The following PCDHA3 variants were observed in gnomAD, a reference collection of about 807,000 sequenced individuals.
The protein encoded by PCDHA3 is protocadherin alpha 3.
Under a neutral mutation model 62.2 loss-of-function variants are expected in PCDHA3, and 41 were observed. The observed-to-expected ratio is 0.66, with a 90% CI of 0.51 to 0.86. PCDHA3 has a LOEUF of 0.86. PCDHA3 is among the 40% of genes least tolerant of loss of function. The pLI is 0.00. For synonymous variants in PCDHA3, 640 were observed against 555.4 expected, an observed-to-expected ratio of 1.15 and a Z score of -2.14; for missense variants, 1,304 against 1,241.2, an observed-to-expected ratio of 1.05 and a Z score of -0.76.
intron 1 of PCDHA3, among the ~76,000 whole-genome samples, chr5:140,954,129 G>T (rs1206426573): frequency 6.6e-6 from 1 of 152,160 alleles, no homozygotes; most frequent in Non-Finnish European, 1.5e-5. Context: ...CCTTTTTATG[G>T]ATGCATAGTA....
At chr5:140,979,086 G>A in intron 2 of PCDHA3, 79 bp downstream of exon 2, 3 of 1,561,050 alleles carry the variant, frequency 1.9e-6, no homozygotes, top group South Asian at 2.4e-5. Flanking sequence ...CCATAGGCCA[G>A]AAGCAGCTGT....
At position 140,850,022 on chromosome 5, in the gene PCDHA3, A is replaced by G. The variant is rs201141536; in HGVS notation, c.2394+46431A>G. The stretch of plus-strand genomic sequence containing the variant: ...AGCGCTCGCTGTCGAGCTACGTGTC[A>G]GTGCACGCGGAGAGCGGCAAGGTGT... On this transcript the variant is annotated intron_variant, in intron 1 of 3. Transcript: ENST00000522353. 38 of 1,596,678 alleles carry G rather than the reference A, an allele frequency of 2.4e-5. 5 individuals are homozygous for G. The highest frequency in any genetic ancestry group is 7.7e-5 in the South Asian group (7 of 90,486).
chr5:140,868,245 C>T (rs1264028092), intron 1 of PCDHA3: 1 of 152,002 alleles, frequency 6.6e-6, no homozygotes, highest in Non-Finnish European at 1.5e-5. Context: ...GATCAATAGA[C>T]TTTTCCTTTG....
chr5:141,004,750 C>T (rs1205050665), intron 3 of PCDHA3, among the ~76,000 whole-genome samples: 1 of 152,112 alleles, frequency 6.6e-6, no homozygotes, highest in Non-Finnish European at 1.5e-5. Flanking sequence ...GTCTCAGTCT[C>T]TTAGAGACAG....
intron 1 of PCDHA3, chr5:140,863,686 T>G (rs1386583317): frequency 3.4e-6 from 1 of 295,212 alleles, no homozygotes; most frequent in Non-Finnish European, 6.6e-6. Flanking sequence ...CTTTTTCTTT[T>G]GAGATGCTTT....
intron 1 of PCDHA3, chr5:140,927,458 AAG>A: frequency 6.2e-7 from 1 of 1,614,124 alleles, no homozygotes; most frequent in Non-Finnish European, 8.5e-7. Context: ...GTGTTGGAGA[AAG>A]CACTGGATCG....
At chr5:140,805,202 C>A in intron 1 of PCDHA3, 1 of 1,438,200 alleles carries the variant, frequency 7.0e-7, no homozygotes, top group East Asian at 2.7e-5. Flanking sequence ...GAATAGCTAC[C>A]AAATAAACAT....
At chr5:140,897,451 TC>T (rs2066120094) in intron 1 of PCDHA3, among the ~76,000 whole-genome samples, 1 of 151,584 alleles carries the variant, frequency 6.6e-6, no homozygotes, top group Non-Finnish European at 1.5e-5. Context: ...TGGTTTTTTG[TC>T]CTTGCGATAG....
chr5:140,805,468 T>A (rs1763578523), intron 1 of PCDHA3: 1 of 1,006,108 alleles, frequency 9.9e-7, no homozygotes, highest in Admixed American at 6.0e-5. Context: ...AGTGTAGTTC[T>A]TCAATAGAGA....
At chr5:140,885,189 C>T (rs1554182051) in intron 1 of PCDHA3, among the ~76,000 whole-genome samples, 1 of 151,992 alleles carries the variant, frequency 6.6e-6, no homozygotes, top group Non-Finnish European at 1.5e-5. Context: ...CATCAGTGTT[C>T]CCCTCTCATA....
At chr5:140,956,297 G>A (rs1449094533) in intron 1 of PCDHA3, among the ~76,000 whole-genome samples, 1 of 151,928 alleles carries the variant, frequency 6.6e-6, no homozygotes, top group African/African-American at 2.4e-5. Context: ...TCATATATAT[G>A]GCTCTTATTA....
chr5:140,871,036 C>A (rs781977409), intron 1 of PCDHA3: 2 of 1,613,156 alleles, frequency 1.2e-6, no homozygotes, highest in East Asian at 2.2e-5. Flanking sequence ...GCCGCGCCAC[C>A]GACTTCTAGT....
intron 1 of PCDHA3, among the ~76,000 whole-genome samples, chr5:140,907,353 A>C (rs1312030991): frequency 3.3e-5 from 5 of 152,234 alleles, no homozygotes; most frequent in Non-Finnish European, 7.3e-5. Flanking sequence ...CCGCTGCTGC[A>C]CTTCTTTAGT....
chr5:140,821,804 G>C, intron 1 of PCDHA3: 1 of 1,613,464 alleles, frequency 6.2e-7, no homozygotes, highest in South Asian at 1.1e-5. Context: ...GGAAGTCTGG[G>C]ATCCCGGCTC....
chr5:140,888,789 G>A (rs536846098), intron 1 of PCDHA3, among the ~76,000 whole-genome samples: 1 of 152,066 alleles, frequency 6.6e-6, no homozygotes, highest in Admixed American at 6.5e-5. Flanking sequence ...AGCCTGATCT[G>A]GGGAGGTTGA....
Position 140,932,248 on chromosome 5 carries a change from T to C in PCDHA3, c.2395-46701T>C, listed in dbSNP as rs1424091954. Among the ~76,000 whole-genome samples the C allele has an allele frequency of 2.6e-5, 4 of 152,016 alleles. No individual in the cohort carries two copies. In the East Asian group the frequency reaches 7.7e-4, roughly 29 times the overall value. On this transcript the variant is annotated intron_variant, in intron 1 of 3. Coordinates refer to ENST00000522353, the MANE Select transcript of PCDHA3 (RefSeq NM_018906.3). ...TTTTTTAGAATGGTATCTAAGAGGG[T>C]ACCTCTGAGATATAAATTTCTACTT... is the stretch of plus-strand genomic sequence containing the variant.
chr5:140,854,252 TA>T, intron 1 of PCDHA3: 1 of 628,060 alleles, frequency 1.6e-6, no homozygotes, highest in Non-Finnish European at 2.0e-6. Flanking sequence ...TCACTTGGTA[TA>T]AAATGTACAT....
intron 1 of PCDHA3, chr5:140,882,788 C>G: frequency 6.2e-7 from 1 of 1,614,216 alleles, no homozygotes; most frequent in Non-Finnish European, 8.5e-7. Flanking sequence ...CCGACTGGAT[C>G]CCAACGATTA....
At position 140,857,673 on chromosome 5, in the gene PCDHA3, C is replaced by G. The variant is rs372854727; in HGVS notation, c.2394+54082C>G. On this transcript the variant is annotated intron_variant, in intron 1 of 3. Transcript: ENST00000522353. The stretch of plus-strand genomic sequence containing the variant: ...GTGAGCGCGCGCGATGGGGGCGTGC[C>G]GCCTCTGGGCAGCAACTTGACGCTG... 6.3e-7 allele frequency: 1 copy of G among 1,596,942 alleles called. No homozygotes were observed. Among genetic ancestry groups the G allele is most frequent in the Non-Finnish European group, 8.6e-7 (1 of 1,167,760 alleles).
Sources: gnomAD v4.1 joint callset for allele counts (sites outside exome capture counted in the v4.1 genomes callset) on GRCh38, gnomAD v4.1.1 for gene constraint, MANE v1.5 for transcripts, NCBI Gene and HGNC (gene_info 2026-07-23, HGNC 2026-07-21) for gene names.